Variants in DENND2B observed in about 807,000 individuals in gnomAD.
DENND2B encodes DENN domain containing 2B.
In DENND2B, 32 loss-of-function variants were observed where a neutral mutation model predicts 116.0. That is an observed-to-expected ratio of 0.28 (90% CI 0.21 to 0.37). The LOEUF is 0.37. DENND2B is among the 10% of genes least tolerant of loss of function. The pLI is 1.00. For synonymous variants in DENND2B, 588 were observed against 583.9 expected (o/e 1.01, Z -0.10); for missense variants, 1,276 against 1,477.7 (o/e 0.86, Z 2.24).
intron 1 of DENND2B, chr11:8,807,710 G>A (rs2060999703): frequency 6.6e-6 from 1 of 152,284 alleles, no homozygotes; most frequent in African/African-American, 2.4e-5. Context: ...GCTCTGGGAA[G>A]CCGGACTGAT....
intron 8 of DENND2B, among the ~76,000 whole-genome samples, chr11:8,713,320 G>C (rs965390800): frequency 1.1e-4 from 16 of 152,162 alleles, no homozygotes; most frequent in African/African-American, 3.9e-4. Context: ...CTCAGTCTAC[G>C]GCACATTTCT....
chr11:8,901,595 C>T (rs1348159967), intron 1 of DENND2B, among the ~76,000 whole-genome samples: 1 of 152,134 alleles, frequency 6.6e-6, no homozygotes, highest in Non-Finnish European at 1.5e-5. Context: ...ATATAGACAT[C>T]TAAAGCTTGG....
chr11:8,775,753 A>T (rs945064650), intron 1 of DENND2B, among the ~76,000 whole-genome samples: 17 of 151,934 alleles, frequency 1.1e-4, no homozygotes, highest in African/African-American at 3.1e-4. Flanking sequence ...CTTCTTTGAA[A>T]TTTTTCTCCA....
chr11:8,746,439 C>T (rs1246004718), intron 2 of DENND2B, among the ~76,000 whole-genome samples: 8 of 152,224 alleles, frequency 5.3e-5, no homozygotes, highest in Admixed American at 5.2e-4. Flanking sequence ...CCTTCCAACT[C>T]TAACATCCCA....
intron 1 of DENND2B, among the ~76,000 whole-genome samples, chr11:8,790,998 A>G (rs2059331440): frequency 6.6e-6 from 1 of 152,162 alleles, no homozygotes; most frequent in South Asian, 2.1e-4. Flanking sequence ...TAGGTACTAA[A>G]TAAACATTAT....
intron 3 of DENND2B, among the ~76,000 whole-genome samples, chr11:8,849,062 A>T (rs1485324912): frequency 1.3e-5 from 2 of 150,912 alleles, no homozygotes; most frequent in African/African-American, 2.4e-5. Context: ...AAATGATGTA[A>T]TTTTTTTTTT....
intron 1 of DENND2B, among the ~76,000 whole-genome samples, chr11:8,767,757 G>A (rs984915879): frequency 1.3e-5 from 2 of 152,120 alleles, no homozygotes; most frequent in Non-Finnish European, 1.5e-5. Flanking sequence ...CTACCCCCTC[G>A]CCTTTGAGAT....
chr11:8,770,434 A>G (rs7934519), intron 1 of DENND2B, among the ~76,000 whole-genome samples: 99,645 of 151,992 alleles, frequency 0.66, 32,847 homozygotes, highest in Non-Finnish European at 0.69. Flanking sequence ...TAGAGACATT[A>G]TAAGGATAAA....
chr11:8,745,878 C>T (rs913324314), intron 2 of DENND2B, among the ~76,000 whole-genome samples: 7 of 152,206 alleles, frequency 4.6e-5, no homozygotes, highest in African/African-American at 1.4e-4. Flanking sequence ...CAGCCCCTAG[C>T]CATTGAGTCA....
chr11:8,705,470 T>A (rs1293414864), intron 13 of DENND2B, among the ~76,000 whole-genome samples: 1 of 152,112 alleles, frequency 6.6e-6, no homozygotes, highest in African/African-American at 2.4e-5. Flanking sequence ...CTCTCCTGAG[T>A]GTTCCTCTCC....
intron 4 of DENND2B, among the ~76,000 whole-genome samples, chr11:8,825,233 G>A (rs2061932718): frequency 6.6e-6 from 1 of 152,046 alleles, no homozygotes; most frequent in Admixed American, 6.6e-5. Flanking sequence ...GGTGTGAGAT[G>A]GTATCTCATT....
At chr11:8,776,687 T>C (rs2057773307) in intron 1 of DENND2B, 2 of 170,116 alleles carry the variant, frequency 1.2e-5, no homozygotes, top group Non-Finnish European at 2.6e-5. Context: ...ATATATTCTA[T>C]TATAAGAACC....
At chr11:8,858,409 T>G (rs1246397588) in intron 2 of DENND2B, among the ~76,000 whole-genome samples, 1 of 151,916 alleles carries the variant, frequency 6.6e-6, no homozygotes, top group Non-Finnish European at 1.5e-5. Flanking sequence ...CGGAGCAGTT[T>G]TACATAGGAT....
At chr11:8,798,841 T>A (rs2060056274) in intron 1 of DENND2B, among the ~76,000 whole-genome samples, 1 of 151,640 alleles carries the variant, frequency 6.6e-6, no homozygotes, top group African/African-American at 2.4e-5. Flanking sequence ...TTTTTTTTTT[T>A]TTTTAGACGG....
At chr11:8,801,959 T>C (rs546867876) in intron 1 of DENND2B, among the ~76,000 whole-genome samples, 1 of 127,084 alleles carries the variant, frequency 7.9e-6, no homozygotes, top group African/African-American at 3.1e-5. Context: ...ACCACTGCAC[T>C]CTAGCCTGTG....
intron 13 of DENND2B, among the ~76,000 whole-genome samples, 188 bp downstream of exon 13, chr11:8,706,897 A>T (rs1468158832): frequency 2.0e-5 from 3 of 152,162 alleles, no homozygotes; most frequent in Non-Finnish European, 2.9e-5. Flanking sequence ...CCCTGGGAGG[A>T]ACAGAGGGCT....
At chr11:8,813,555 A>G (rs1016417271), upstream of DENND2B, among the ~76,000 whole-genome samples, 4 of 152,148 alleles carry the variant, frequency 2.6e-5, no homozygotes, top group African/African-American at 9.7e-5. Flanking sequence ...GGGTGATCCC[A>G]CCCCTTTCTA....
chr11:8,880,380 TGTGTA>T (rs1387302159), intron 2 of DENND2B, among the ~76,000 whole-genome samples: 3 of 151,760 alleles, frequency 2.0e-5, no homozygotes, highest in African/African-American at 7.3e-5. Flanking sequence ...TGTGTGTGTG[TGTGTA>T]GTTTTTACTA....
chr11:8,856,343 A>G (rs1316072099), intron 3 of DENND2B, among the ~76,000 whole-genome samples: 1 of 152,210 alleles, frequency 6.6e-6, no homozygotes, highest in Non-Finnish European at 1.5e-5. Context: ...TCTCACTTTT[A>G]TGCTGACTTT....
Sources: allele counts gnomAD v4.1 joint callset (sites outside exome capture counted in the v4.1 genomes callset), GRCh38; gene constraint gnomAD v4.1.1; transcripts MANE v1.5; gene names NCBI Gene and HGNC (gene_info 2026-07-23, HGNC 2026-07-21).